MAF: variants seen among roughly 807,000 people sequenced by gnomAD.
MAF encodes the protein MAF bZIP transcription factor.
A neutral mutation model predicts 22.0 loss-of-function variants in MAF; 10 were observed. That is an observed-to-expected ratio of 0.45 (90% CI 0.28 to 0.77). MAF has a LOEUF of 0.77. Among genes scored for constraint, MAF ranks in the 30% least tolerant of loss-of-function variants. The probability of loss-of-function intolerance (pLI) is 0.12; values close to 1 mark genes in which losing one functional copy is unlikely to be tolerated. For missense variants in MAF, 544 were observed against 548.4 expected, an observed-to-expected ratio of 0.99 and a Z score of 0.08; for synonymous variants, 337 against 255.8, an observed-to-expected ratio of 1.32 and a Z score of -3.03.
At chr16:79,598,589 T>TGTGTG in intron 1 of MAF, 196 bp downstream of exon 1, 1 of 1,433,770 alleles carries the variant, frequency 7.0e-7, no homozygotes, top group Non-Finnish European at 9.3e-7. Context: ...GGGGTGTGTG[T>TGTGTG]GTGTGTGTGT....
At chr16:79,518,819 G>A in the MAF span, among the ~76,000 whole-genome samples, 1 of 152,184 alleles carries the variant, frequency 6.6e-6, no homozygotes, top group African/African-American at 2.4e-5. Flanking sequence ...CAGCCACTCG[G>A]GAGGCTGAGG....
the MAF span, among the ~76,000 whole-genome samples, chr16:79,568,238 A>C: frequency 1.3e-5 from 2 of 152,184 alleles, no homozygotes; most frequent in African/African-American, 4.8e-5. Flanking sequence ...CTGCAAAGGA[A>C]GTCTGGCAGG....
downstream of MAF, among the ~76,000 whole-genome samples, chr16:79,583,410 A>T (rs1912647094): frequency 6.6e-6 from 1 of 152,190 alleles, no homozygotes; most frequent in Non-Finnish European, 1.5e-5. Context: ...AGTGCTGTTT[A>T]TACCAGTTCC....
the MAF span, among the ~76,000 whole-genome samples, chr16:79,428,276 G>A: frequency 2.6e-5 from 4 of 152,110 alleles, no homozygotes; most frequent in East Asian, 7.8e-4. Context: ...CTTGTAGATG[G>A]CATTGAGCAT....
chr16:79,542,384 G>A, the MAF span, among the ~76,000 whole-genome samples: 1 of 152,166 alleles, frequency 6.6e-6, no homozygotes, highest in Non-Finnish European at 1.5e-5. Flanking sequence ...GTGAGTAAGT[G>A]CCTGTTGGAT....
the MAF span, among the ~76,000 whole-genome samples, chr16:79,448,585 C>G: frequency 3.9e-5 from 6 of 151,938 alleles, no homozygotes; most frequent in East Asian, 1.2e-3. Context: ...GCCACAATGC[C>G]CAGTTAATTT....
chr16:79,465,166 C>G, the MAF span, among the ~76,000 whole-genome samples: 1 of 152,280 alleles, frequency 6.6e-6, no homozygotes, highest in South Asian at 2.1e-4. Context: ...CCCCTCAATG[C>G]TGACAATACC....
the MAF span, among the ~76,000 whole-genome samples, chr16:79,430,958 G>A: frequency 6.6e-6 from 1 of 152,180 alleles, no homozygotes; most frequent in East Asian, 1.9e-4. Context: ...GGAACAGGGT[G>A]ACAGGGAAGA....
chr16:79,570,547 C>T, the MAF span, among the ~76,000 whole-genome samples: 16,779 of 152,240 alleles, frequency 0.11, 1,036 homozygotes, highest in African/African-American at 0.14. Flanking sequence ...CTAGCAATAG[C>T]AGATATACAT....
chr16:79,227,574 A>AT, the MAF span, among the ~76,000 whole-genome samples: 2 of 151,962 alleles, frequency 1.3e-5, no homozygotes, highest in African/African-American at 4.8e-5. Context: ...AACCTTGAAC[A>AT]TTCATGCCCA....
At chr16:79,207,383 G>C in the MAF span, among the ~76,000 whole-genome samples, 46 of 152,316 alleles carry the variant, frequency 3.0e-4, no homozygotes, top group African/African-American at 1.1e-3. Flanking sequence ...TTTGTCCTGG[G>C]ACGTTAGTCA....
chr16:79,238,418 G>A, the MAF span, among the ~76,000 whole-genome samples: 4 of 151,990 alleles, frequency 2.6e-5, no homozygotes, highest in Admixed American at 1.3e-4. Flanking sequence ...ACTTATTTGG[G>A]TACATAGTTC....
At chr16:79,334,687 A>G in the MAF span, among the ~76,000 whole-genome samples, 1 of 152,154 alleles carries the variant, frequency 6.6e-6, no homozygotes, top group South Asian at 2.1e-4. Context: ...GCATTGTTGT[A>G]CAGAGCCCAT....
At chr16:79,511,068 A>G in the MAF span, among the ~76,000 whole-genome samples, 1 of 150,436 alleles carries the variant, frequency 6.6e-6, no homozygotes, top group East Asian at 2.0e-4. Flanking sequence ...AAAGCAGCAA[A>G]TGAGCTGACT....
At chr16:79,250,845 C>G in the MAF span, among the ~76,000 whole-genome samples, 391 of 152,238 alleles carry the variant, frequency 2.6e-3, 1 homozygote, top group Non-Finnish European at 3.3e-3. Flanking sequence ...TTGCCTGGGA[C>G]CAAGGGGATG....
chr16:79,230,908 G>A, the MAF span, among the ~76,000 whole-genome samples: 2 of 151,968 alleles, frequency 1.3e-5, no homozygotes, highest in Non-Finnish European at 2.9e-5. Context: ...CTGATCCTAC[G>A]GGGTAGGGCT....
chr16:79,220,425 G>C, the MAF span, among the ~76,000 whole-genome samples: 1 of 151,902 alleles, frequency 6.6e-6, no homozygotes, highest in Non-Finnish European at 1.5e-5. Flanking sequence ...GTATCTTGTA[G>C]TTTTCATTTT....
At chr16:79,515,209 G>C in the MAF span, among the ~76,000 whole-genome samples, 1 of 152,192 alleles carries the variant, frequency 6.6e-6, no homozygotes, top group Non-Finnish European at 1.5e-5. Flanking sequence ...CATCCACTTA[G>C]ACTTCAACGC....
At chr16:79,448,599 G>T in the MAF span, among the ~76,000 whole-genome samples, 3 of 151,758 alleles carry the variant, frequency 2.0e-5, no homozygotes, top group Non-Finnish European at 4.4e-5. Flanking sequence ...TTAATTTTTT[G>T]TATTTTTAGT....
Sources: allele counts gnomAD v4.1 joint callset (sites outside exome capture counted in the v4.1 genomes callset), GRCh38; gene constraint gnomAD v4.1.1; transcripts MANE v1.5; gene names NCBI Gene and HGNC (gene_info 2026-07-23, HGNC 2026-07-21).